IZUMO1R: variants seen among roughly 807,000 people sequenced by gnomAD.
The protein encoded by IZUMO1R is sperm-egg fusion protein Juno.
IZUMO1R carries 24 observed loss-of-function variants against 22.1 expected under a neutral mutation model. That is an observed-to-expected ratio of 1.09 (90% confidence interval 0.79 to 1.53). The LOEUF (loss-of-function observed/expected upper bound fraction) is 1.53. Among genes scored for constraint, IZUMO1R ranks in the 40% most tolerant of loss-of-function variants. The probability of loss-of-function intolerance (pLI) is 0.00; values close to 1 mark genes in which losing one functional copy is unlikely to be tolerated. For missense variants in IZUMO1R, 308 were observed against 314.9 expected, an observed-to-expected ratio of 0.98 and a Z score of 0.17; for synonymous variants, 133 against 121.2, an observed-to-expected ratio of 1.10 and a Z score of -0.64.
intron 1 of IZUMO1R, 143 bp from the exon 2 acceptor site, chr11:94,305,488 A>G: frequency 1.1e-6 from 1 of 945,094 alleles, no homozygotes; most frequent in Non-Finnish European, 1.6e-6. Context: ...GCTGCCTCCA[A>G]AAGAAGGTCC....
At position 94,306,536 on chromosome 11, in the gene IZUMO1R, C is replaced by G; in HGVS notation, c.162C>G (p.Ala54=). The G allele has an allele frequency of 6.2e-7, 1 of 1,613,926 alleles. No homozygotes were observed. Among genetic ancestry groups the G allele is most frequent in the Non-Finnish European group, 8.5e-7 (1 of 1,179,872 alleles). ...YEECIPWKDN[A]CCTLTTSWEA... is the part of the protein sequence containing the mutation. The stretch of plus-strand genomic sequence containing the variant: ...AGTGCATCCCCTGGAAGGACAATGC[C>G]TGCTGCACCCTCACGACAAGCTGGG... Residue 54 remains alanine, a synonymous_variant, in exon 3 of 5, where the codon GCC becomes GCG. Transcript: ENST00000687084.
At position 94,307,987 on chromosome 11, in the gene IZUMO1R, G is replaced by A. The variant is rs1944042326; in HGVS notation, c.*295G>A. 6.6e-6 allele frequency among the ~76,000 whole-genome samples: 1 copy of A among 152,042 alleles called. No homozygotes were observed. The highest frequency in any genetic ancestry group is 2.4e-5 in the African/African-American group (1 of 41,426). The stretch of plus-strand genomic sequence containing the variant: ...GCAGCTGGGGGCTGGAAGTGCCAAG[G>A]TGACTGGCCACCTCCTGCCTTGAGG... On this transcript the variant is annotated 3_prime_UTR_variant, in exon 5 of 5. Transcript: ENST00000687084.
Position 94,306,718 on chromosome 11 carries a change from G to A in IZUMO1R, c.344G>A (p.Trp115Ter). The A allele has an allele frequency of 1.2e-6, 2 of 1,613,862 alleles. No homozygotes were observed. The highest frequency in any genetic ancestry group is 8.5e-7 in the Non-Finnish European group (1 of 1,179,830). ...PWIQPVGSLGWEVAPSGQGER... is the reference protein window; with the variant it reads ...PWIQPVGSLG ...ATCCAGCCAGTGGGAAGCCTGGGGT[G>A]GGAGGTAGGAAGCAGATCTGTGCCA... Residue 115 changes from tryptophan (W) to a stop codon, truncating the protein, a stop_gained, in exon 3 of 5, where the codon TGG becomes TAG. Coordinates refer to ENST00000687084, the MANE Select transcript of IZUMO1R (RefSeq NM_001199206.4). LOFTEE classifies it high-confidence loss of function.
intron 1 of IZUMO1R, 50 bp from the exon 2 acceptor site, chr11:94,305,579 GGT>G: frequency 6.3e-7 from 1 of 1,599,732 alleles, no homozygotes; most frequent in Non-Finnish European, 8.5e-7. Flanking sequence ...TGATGAAGGG[GGT>G]GGAGTGGGGT....
Position 94,307,414 on chromosome 11 carries a change from T to A in IZUMO1R, c.485-10T>A, listed in dbSNP as rs1565420271. On this transcript the variant is annotated splice_polypyrimidine_tract_variant and intron_variant, in intron 4 of 4. Coordinates refer to ENST00000687084, the MANE Select transcript of IZUMO1R (RefSeq NM_001199206.4). Reference sequence around the variant, plus strand: ...TAGGAGGTAAGCTGTCCCTCCTCCATCCCCTGCAGGGAAGAACCGCTGCCC... The same window carrying A: ...TAGGAGGTAAGCTGTCCCTCCTCCAACCCCTGCAGGGAAGAACCGCTGCCC... 6.2e-7 allele frequency: 1 copy of A among 1,613,628 alleles called. No individual in the cohort carries two copies. Among genetic ancestry groups the A allele is most frequent in the Non-Finnish European group, 8.5e-7 (1 of 1,179,688 alleles).
chr11:94,306,177 A>G (rs536843656), intron 2 of IZUMO1R, among the ~76,000 whole-genome samples: 52 of 152,034 alleles, frequency 3.4e-4, no homozygotes, highest in Admixed American at 7.9e-4. Context: ...CTCCCACCCA[A>G]TGCAACCCCA....
chr11:94,307,570 T>G lies in IZUMO1R; in HGVS notation c.631T>G (p.Phe211Val). Residue 211 changes from phenylalanine to valine, a missense_variant, in exon 5 of 5, where the codon TTT (phenylalanine) becomes GTT (valine). Transcript: ENST00000687084. ...RNSGRCLQKW[F>V]EPAQGNPNVA... is the part of the protein sequence containing the mutation. Reference sequence around the variant, plus strand: ...CAGTGGGCGGTGTCTCCAGAAGTGGTTTGAGCCTGCTCAGGGCAACCCCAA... The same window carrying G: ...CAGTGGGCGGTGTCTCCAGAAGTGGGTTGAGCCTGCTCAGGGCAACCCCAA... 6.2e-7 allele frequency: 1 copy of G among 1,613,878 alleles called. No individual in the cohort carries two copies.
chr11:94,307,581 T>G lies in IZUMO1R; in HGVS notation c.642T>G (p.Ala214=). ...GRCLQKWFEP[A]QGNPNVAVAR... ...GTCTCCAGAAGTGGTTTGAGCCTGCTCAGGGCAACCCCAATGTGGCCGTGG... is the reference window on the plus strand; with the variant it reads ...GTCTCCAGAAGTGGTTTGAGCCTGCGCAGGGCAACCCCAATGTGGCCGTGG... Residue 214 remains alanine (A), a synonymous_variant, in exon 5 of 5, where the codon GCT becomes GCG. Transcript: ENST00000687084. 1 of 1,613,886 alleles carries G rather than the reference T, an allele frequency of 6.2e-7. No homozygotes were observed. The highest frequency in any genetic ancestry group is 1.3e-5 in the African/African-American group (1 of 75,062).
Position 94,307,814 on chromosome 11 carries a change from TC to T in IZUMO1R, c.*125del. The T allele has an allele frequency of 5.5e-6, 2 of 366,102 alleles. No individual in the cohort carries two copies. The highest frequency in any genetic ancestry group is 8.5e-6 in the Non-Finnish European group (2 of 234,288). 22.7% of individuals were successfully genotyped at this position (366,102 alleles called of 1,614,324 possible). On this transcript the variant is annotated 3_prime_UTR_variant, in exon 5 of 5. Transcript: ENST00000687084. ...CAGTGGCATGGGCTAGGGACTGCAG[TC>T]CCACCCAGTCTAGCCCATGCCACTG... is the stretch of plus-strand genomic sequence containing the variant.
At position 94,306,429 on chromosome 11, in the gene IZUMO1R, T is replaced by C. The variant is rs572200539; in HGVS notation, c.139-84T>C. On this transcript the variant is annotated intron_variant, in intron 2 of 4. Transcript: ENST00000687084. ...TTGCTCAGGCCTCCTAAGGGACATT[T>C]TCATTTCACCACCTTTCTTCCCTAG... 4 of 1,360,546 alleles carry C rather than the reference T, an allele frequency of 2.9e-6. No homozygotes were observed. The African/African-American group carries it at 5.7e-5, about 19-fold the overall frequency. The allele number at this position is 1,360,546 out of a possible 1,614,324, so 84.3% of individuals were successfully genotyped here. A position where few individuals can be genotyped will look rare whatever the true frequency, so the allele number is the denominator to read the frequency against.
At position 94,308,071 on chromosome 11, in the gene IZUMO1R, T is replaced by C. The variant is rs114959676; in HGVS notation, c.*379T>C. On this transcript the variant is annotated 3_prime_UTR_variant, in exon 5 of 5. Coordinates refer to ENST00000687084, the MANE Select transcript of IZUMO1R (RefSeq NM_001199206.4). ...CATCCAGTGCACGCCTACCCCTTTC[T>C]GTGACAGAGCTGATGGTGGCAGACC... Among the ~76,000 whole-genome samples the C allele has an allele frequency of 2.6e-3, 392 of 152,046 alleles. No individual in the cohort carries two copies. Among genetic ancestry groups the C allele is most frequent in the African/African-American group, 9.1e-3 (379 of 41,512 alleles).
Position 94,307,424 on chromosome 11 carries a change from G to A in IZUMO1R, c.485G>A (p.Gly162Glu). 6.2e-7 allele frequency: 1 copy of A among 1,613,844 alleles called. No individual in the cohort carries two copies. Among genetic ancestry groups the A allele is most frequent in the African/African-American group, 1.3e-5 (1 of 75,040 alleles). ...NWRGGWDWSQ[G>E]KNRCPKGAQC... ...GCTGTCCCTCCTCCATCCCCTGCAG[G>A]GAAGAACCGCTGCCCCAAAGGGGCC... The change falls in exon 5 of 5, where the codon GGG (glycine) becomes GAG (glutamate). Residue 162 changes from glycine (G) to glutamate (E), a missense_variant and splice_region_variant. Transcript: ENST00000687084.
rs764160104 is a variant in IZUMO1R, at chr11:94,307,662, C to G, written c.723C>G (p.Val241=). 8 of 1,613,754 alleles carry G rather than the reference C, an allele frequency of 5.0e-6. No individual in the cohort carries two copies. Among genetic ancestry groups the G allele is most frequent in the Non-Finnish European group, 5.9e-6 (7 of 1,179,720 alleles). Residue 241 remains valine (V), a synonymous_variant, in exon 5 of 5, where the codon GTC becomes GTG. Transcript: ENST00000687084. The part of the protein sequence containing the change: ...PSWELSYTIM[V]CSLFLPFLS The stretch of plus-strand genomic sequence containing the variant: ...GGGAACTGTCCTACACCATCATGGT[C>G]TGCTCCCTGTTCCTGCCGTTCCTTT...
rs1018879808 is a variant in IZUMO1R at position 94,307,623 on chromosome 11, C to T, written c.684C>T (p.Ser228=). The stretch of plus-strand genomic sequence containing the variant: ...TGGCCGTGGCCCGCCTCTTCGCCAG[C>T]TCTGCCCCATCCTGGGAACTGTCCT... ...PNVAVARLFA[S]SAPSWELSYT... is the part of the protein sequence containing the mutation. Residue 228 remains serine (S), a synonymous_variant, in exon 5 of 5, where the codon AGC becomes AGT. Transcript: ENST00000687084. 2 of 1,613,906 alleles carry T rather than the reference C, an allele frequency of 1.2e-6. No homozygotes were observed. Among genetic ancestry groups the T allele is most frequent in the Non-Finnish European group, 1.7e-6 (2 of 1,179,832 alleles).
Position 94,307,761 on chromosome 11 carries a change from C to A in IZUMO1R, c.*69C>A. ...GTGGGTCAGGCCAGGCCATGGCCTA[C>A]CTCCTTCCTCAGGCCCTCCCCTAAA... On this transcript the variant is annotated 3_prime_UTR_variant, in exon 5 of 5. Transcript: ENST00000687084. 1 of 1,534,114 alleles carries A rather than the reference C, an allele frequency of 6.5e-7. No individual in the cohort carries two copies. Among genetic ancestry groups the A allele is most frequent in the Admixed American group, 1.7e-5 (1 of 58,328 alleles).
At chr11:94,305,084 G>A (rs779529180) in intron 1 of IZUMO1R, among the ~76,000 whole-genome samples, 6 of 152,132 alleles carry the variant, frequency 3.9e-5, no homozygotes, top group Non-Finnish European at 8.8e-5. Context: ...TCTTAGACCA[G>A]GGTAGGCTAG....
rs1201248218 is a variant in IZUMO1R at position 94,307,200 on chromosome 11, T to A, written c.384T>A (p.Asn128Lys). ...APSGQGERVV[N>K]VPLCQEDCEE... is the part of the protein sequence containing the mutation. Reference sequence around the variant, plus strand: ...GTGGGCAGGGAGAGCGAGTTGTGAATGTGCCGCTGTGCCAGGAGGACTGTG... The same window carrying A: ...GTGGGCAGGGAGAGCGAGTTGTGAAAGTGCCGCTGTGCCAGGAGGACTGTG... Residue 128 changes from asparagine (N) to lysine (K), a missense_variant, in exon 4 of 5, where the codon AAT becomes AAA. Coordinates refer to ENST00000687084, the MANE Select transcript of IZUMO1R (RefSeq NM_001199206.4). 6 of 1,602,700 alleles carry A rather than the reference T, an allele frequency of 3.7e-6. No individual in the cohort carries two copies. The highest frequency in any genetic ancestry group is 5.1e-6 in the Non-Finnish European group (6 of 1,174,722).
chr11:94,306,106 C>A (rs1944016269), intron 2 of IZUMO1R, among the ~76,000 whole-genome samples: 1 of 151,808 alleles, frequency 6.6e-6, no homozygotes, highest in African/African-American at 2.4e-5. Flanking sequence ...CCCCAAGCTC[C>A]TAAAGGCAAT....
chr11:94,306,911 G>A (rs910113092), intron 3 of IZUMO1R, among the ~76,000 whole-genome samples, 189 bp downstream of exon 3: 2 of 152,120 alleles, frequency 1.3e-5, no homozygotes, highest in African/African-American at 4.8e-5. Context: ...GTGGGATGAG[G>A]GGCTATCACC....
Sources: gnomAD v4.1 joint callset for allele counts (sites outside exome capture counted in the v4.1 genomes callset) on GRCh38, gnomAD v4.1.1 for gene constraint, MANE v1.5 for transcripts, NCBI Gene and HGNC (gene_info 2026-07-23, HGNC 2026-07-21) for gene names.